The following CEP152 variants were observed in gnomAD, a reference collection of about 807,000 sequenced individuals.
The protein encoded by CEP152 is centrosomal protein of 152 kDa.
In CEP152, 132 loss-of-function variants were observed where a neutral mutation model predicts 188.9. That is an observed-to-expected ratio of 0.70 (90% confidence interval 0.61 to 0.81). The LOEUF is 0.81. Among genes scored for constraint, CEP152 ranks in the 30% least tolerant of loss-of-function variants. The probability of loss-of-function intolerance (pLI) is 0.00; values close to 1 mark genes in which losing one functional copy is unlikely to be tolerated. For missense variants in CEP152, 1,914 were observed against 1,969.8 expected, an observed-to-expected ratio of 0.97 and a Z score of 0.54; for synonymous variants, 649 against 666.6, an observed-to-expected ratio of 0.97 and a Z score of 0.41.
chr15:48,766,312 C>T (rs1426237948), intron 17 of CEP152, among the ~76,000 whole-genome samples: 1 of 152,182 alleles, frequency 6.6e-6, no homozygotes, highest in Admixed American at 6.5e-5. Context: ...AAAATATTTT[C>T]TAATCTTGAG....
chr15:48,790,900 A>G (rs1896951263), intron 8 of CEP152, among the ~76,000 whole-genome samples: 1 of 152,190 alleles, frequency 6.6e-6, no homozygotes, highest in Admixed American at 6.5e-5. Flanking sequence ...CCCCCTGCCA[A>G]AAAATGAATC....
At chr15:48,763,494 C>T (rs781373489) in intron 17 of CEP152, among the ~76,000 whole-genome samples, 4 of 151,822 alleles carry the variant, frequency 2.6e-5, no homozygotes, top group Non-Finnish European at 5.9e-5. Context: ...GCCAACATGG[C>T]GAAACCCCAT....
intron 12 of CEP152, among the ~76,000 whole-genome samples, 156 bp downstream of exon 12, chr15:48,781,040 T>G (rs1233444280): frequency 1.3e-5 from 2 of 152,194 alleles, no homozygotes; most frequent in Non-Finnish European, 2.9e-5. Flanking sequence ...TAATGTATAT[T>G]TTTTATACTA....
At chr15:48,764,513 ACCT>A in intron 17 of CEP152, among the ~76,000 whole-genome samples, 1 of 152,146 alleles carries the variant, frequency 6.6e-6, no homozygotes, top group South Asian at 2.1e-4. Context: ...TCTAAAATGC[ACCT>A]ACCTAACTCA....
At chr15:48,747,023 G>A (rs1032396371) in intron 22 of CEP152, among the ~76,000 whole-genome samples, 4 of 152,200 alleles carry the variant, frequency 2.6e-5, no homozygotes, top group Non-Finnish European at 5.9e-5. Context: ...GGGGCTGGCA[G>A]GTGCTGGATC....
rs1465783753 is a variant in CEP152 at position 48,760,266 on chromosome 15, C to A, written c.2563G>T (p.Val855Leu). ...TGAGCATTTTGCACAGCTATTTCTA[C>A]CTGTAGGACATTGCAAAAGAAAGAG... ...LKHCENITKQ[V>L]EIAVQNAHQR... The change falls in exon 19 of 27, where the codon GTA becomes TTA. Residue 855 changes from valine (V) to leucine (L), a missense_variant and splice_region_variant. By Grantham distance (32) the Val-to-Leu change is conservative (BLOSUM62 1). Coordinates refer to ENST00000380950, the MANE Select transcript of CEP152 (RefSeq NM_001194998.2). 6.2e-7 allele frequency: 1 copy of A among 1,613,800 alleles called. No individual in the cohort carries two copies. Among genetic ancestry groups the A allele is most frequent in the East Asian group, 2.2e-5 (1 of 44,878 alleles).
intron 12 of CEP152, among the ~76,000 whole-genome samples, chr15:48,780,305 T>C (rs763995112): frequency 6.6e-6 from 1 of 152,232 alleles, no homozygotes; most frequent in Non-Finnish European, 1.5e-5. Context: ...AATAATACCA[T>C]CTACTTTCAC....
intron 8 of CEP152, among the ~76,000 whole-genome samples, chr15:48,790,675 T>G (rs1896937504): frequency 2.0e-5 from 3 of 152,238 alleles, no homozygotes; most frequent in Admixed American, 2.0e-4. Context: ...CAAGCGATTC[T>G]GCTGTCTCAG....
chr15:48,733,412 G>T (rs111293475), downstream of CEP152, among the ~76,000 whole-genome samples: 613 of 152,262 alleles, frequency 4.0e-3, 4 homozygotes, highest in Non-Finnish European at 6.1e-3. Context: ...TCCTAGATAG[G>T]CTAAACAGCA....
At chr15:48,750,077 C>A (rs1893764777) in intron 21 of CEP152, among the ~76,000 whole-genome samples, 1 of 151,888 alleles carries the variant, frequency 6.6e-6, no homozygotes, top group Non-Finnish European at 1.5e-5. Context: ...CATAAGAGCA[C>A]AAAATGGAGT....
intron 20 of CEP152, 94 bp downstream of exon 20, chr15:48,755,809 C>T: frequency 6.3e-7 from 1 of 1,586,916 alleles, no homozygotes; most frequent in Non-Finnish European, 8.5e-7. Flanking sequence ...CTTACATCTA[C>T]TAAAATTTAA....
At chr15:48,774,065 C>T (rs1004476754) in intron 12 of CEP152, among the ~76,000 whole-genome samples, 1 of 151,568 alleles carries the variant, frequency 6.6e-6, no homozygotes, top group Non-Finnish European at 1.5e-5. Context: ...ACAGAAAAGA[C>T]TCAAATTAAA....
chr15:48,799,135 TTAAA>T (rs1402598033), intron 2 of CEP152, among the ~76,000 whole-genome samples: 9 of 151,924 alleles, frequency 5.9e-5, no homozygotes, highest in African/African-American at 2.2e-4. Context: ...TTTAAAGACT[TTAAA>T]TACTTTGTAA....
chr15:48,748,404 G>T (rs1893619383), intron 22 of CEP152, 39 bp downstream of exon 22: 14 of 1,490,512 alleles, frequency 9.4e-6, no homozygotes, highest in African/African-American at 1.4e-5. Flanking sequence ...AAGGATCAAA[G>T]AAATTCATAT....
chr15:48,772,353 G>T (rs1041004122), intron 13 of CEP152, 134 bp downstream of exon 13: 36 of 742,148 alleles, frequency 4.9e-5, no homozygotes, highest in Non-Finnish European at 8.2e-5. Flanking sequence ...TGAGGCTACA[G>T]GGAGCCATGT....
At chr15:48,753,396 G>T (rs1286867529) in intron 20 of CEP152, among the ~76,000 whole-genome samples, 1 of 152,198 alleles carries the variant, frequency 6.6e-6, no homozygotes, top group Non-Finnish European at 1.5e-5. Flanking sequence ...AACAGAATAG[G>T]TGGTATGGAG....
rs116800730 is a variant in CEP152 at position 48,789,023 on chromosome 15, T to C, written c.973-22A>G. 3.1e-5 allele frequency: 49 copies of C among 1,600,228 alleles called. No individual in the cohort carries two copies. In the African/African-American group the frequency reaches 5.7e-4, roughly 19 times the overall value. ...TCATCTAGTAAATACACACAGGATA[T>C]CCATGTTTAAAATATACACAGAGTA... On this transcript the variant is annotated intron_variant, in intron 8 of 26. Coordinates refer to ENST00000380950, the MANE Select transcript of CEP152 (RefSeq NM_001194998.2).
At chr15:48,742,814 T>A (rs896889974) in intron 24 of CEP152, among the ~76,000 whole-genome samples, 2 of 152,124 alleles carry the variant, frequency 1.3e-5, no homozygotes, top group African/African-American at 2.4e-5. Context: ...ACTTTTATTT[T>A]TTTTTTTAAT....
intron 14 of CEP152, among the ~76,000 whole-genome samples, 189 bp downstream of exon 14, chr15:48,768,767 T>C (rs1895309122): frequency 1.3e-5 from 2 of 152,104 alleles, no homozygotes; most frequent in African/African-American, 4.8e-5. Flanking sequence ...CTACACTAAC[T>C]TACCTTCCAA....
Sources: gnomAD v4.1 joint callset for allele counts (sites outside exome capture counted in the v4.1 genomes callset) on GRCh38, gnomAD v4.1.1 for gene constraint, MANE v1.5 for transcripts, NCBI Gene and HGNC (gene_info 2026-07-23, HGNC 2026-07-21) for gene names.